PSRC1: variants seen among roughly 807,000 people sequenced by gnomAD.
The protein encoded by PSRC1 is proline and serine rich coiled-coil 1.
PSRC1 carries 30 observed loss-of-function variants against 31.9 expected under a neutral mutation model. The observed-to-expected ratio is 0.94, with a 90% CI of 0.70 to 1.28. The LOEUF (loss-of-function observed/expected upper bound fraction) is 1.28, where lower values mean the gene tolerates loss of function less well. PSRC1 is among the 50% of genes most tolerant of loss of function. PSRC1 has a pLI of 0.00. For synonymous variants in PSRC1, 191 were observed against 192.1 expected (o/e 0.99, Z 0.05); for missense variants, 481 against 472.8 (o/e 1.02, Z -0.16).
At chr1:109,279,739 G>A (rs1379034537) in exon 7 of PSRC1, 1 of 211,172 alleles carries the variant, frequency 4.7e-6, no homozygotes, top group Non-Finnish European at 9.7e-6. Context: ...TCAGGAAGAT[G>A]GCTCCTCAGA....
At chr1:109,280,986 C>T (rs765011270) in exon 5 of PSRC1, 39 of 1,603,914 alleles carry the variant, frequency 2.4e-5, no homozygotes, top group Non-Finnish European at 2.4e-5. Flanking sequence ...CCGGGGCAGG[C>T]GTTGAGAGTT....
chr1:109,280,123 A>G (rs536842587), exon 7 of PSRC1: 2 of 1,614,116 alleles, frequency 1.2e-6, no homozygotes, highest in South Asian at 1.1e-5. Context: ...GTGGTTTGCT[A>G]CTGAAGTCTT....
intron 4 of PSRC1, 31 bp downstream of exon 4, chr1:109,281,588 G>A (rs764185540): frequency 2.8e-5 from 44 of 1,564,984 alleles, no homozygotes; most frequent in Non-Finnish European, 3.8e-5. Context: ...CATGTCTGGG[G>A]CACACCTCCA....
At chr1:109,281,826 C>A (rs780432029) in exon 4 of PSRC1, 121 of 1,613,832 alleles carry the variant, frequency 7.5e-5, no homozygotes, top group Non-Finnish European at 1.0e-4. Context: ...CTCGGCGAGG[C>A]CCCAGGCCCT....
At chr1:109,282,768 C>A (rs1657396524) in intron 1 of PSRC1, 32 bp from the exon 2 acceptor site, 1 of 1,547,084 alleles carries the variant, frequency 6.5e-7, no homozygotes, top group African/African-American at 1.4e-5. Flanking sequence ...CCTCAGGTAT[C>A]CATTCTGCCC....
chr1:109,280,491 T>A lies in PSRC1; in HGVS notation c.995-2A>T. 1.9e-6 allele frequency: 3 copies of A among 1,608,672 alleles called. No homozygotes were observed. Among genetic ancestry groups the A allele is most frequent in the Non-Finnish European group, 2.5e-6 (3 of 1,177,630 alleles). On this transcript the variant is annotated splice_acceptor_variant, in intron 5 of 6. Coordinates refer to ENST00000409138, the Ensembl canonical transcript of PSRC1. LOFTEE classifies it high-confidence loss of function. ...GATTTAGTCGCTGGGAAACAGGAAC[T>A]TCATGGGGGTTAACAAAAGAAATGA...
intron 4 of PSRC1, 67 bp from the exon 5 acceptor site, chr1:109,281,318 A>ATTCC: frequency 7.4e-7 from 1 of 1,347,814 alleles, no homozygotes; most frequent in African/African-American, 1.5e-5. Context: ...GGCTTAAGGA[A>ATTCC]TTAAGAAATA....
chr1:109,281,492 C>T (rs756399977), intron 4 of PSRC1, 127 bp downstream of exon 4: 1 of 937,494 alleles, frequency 1.1e-6, no homozygotes, highest in Non-Finnish European at 1.6e-6. Context: ...TTTCATGGTT[C>T]TCATTTAATT....
rs1656780370 is a variant in PSRC1 at position 109,280,021 on chromosome 1, A to G, written c.*132T>C. 18 of 1,183,442 alleles carry G rather than the reference A, an allele frequency of 1.5e-5. No individual in the cohort carries two copies. The South Asian group carries it at 1.7e-4, about 11-fold the overall frequency. 73.3% of individuals were successfully genotyped at this position (1,183,442 alleles called of 1,614,324 possible). A position where few individuals can be genotyped will look rare whatever the true frequency, so the allele number is the denominator to read the frequency against. ...CCATGGTCTCTACTCCTGGGAGACC[A>G]GCCCTGGTGGCATCTCTTCCTCCTG... On this transcript the variant is annotated 3_prime_UTR_variant, in exon 7 of 7. Coordinates refer to ENST00000409138, the Ensembl canonical transcript of PSRC1.
chr1:109,282,442 CAAT>C, intron 3 of PSRC1, 73 bp downstream of exon 3: 1 of 1,431,192 alleles, frequency 7.0e-7, no homozygotes, highest in Admixed American at 1.8e-5. Flanking sequence ...CAACCCAAGC[CAAT>C]AATTCAGCAG....
intron 3 of PSRC1, 181 bp downstream of exon 3, chr1:109,282,337 C>T: frequency 1.6e-6 from 1 of 629,000 alleles, no homozygotes; most frequent in Admixed American, 2.9e-5. Context: ...CTAACTCCAG[C>T]TTCTCCCTTC....
Position 109,283,061 on chromosome 1 carries a change from A to C in PSRC1, c.-34+13T>G, listed in dbSNP as rs1570827568. ...TCCCCTGGCATCACACGCGAAGCAC[A>C]CCTCCAGCCCACCCTGTGTCCACTT... On this transcript the variant is annotated intron_variant, in intron 1 of 6. Coordinates refer to ENST00000409138, the Ensembl canonical transcript of PSRC1. The C allele has an allele frequency of 2.7e-6, 1 of 372,766 alleles. No individual in the cohort carries two copies. Among genetic ancestry groups the C allele is most frequent in the African/African-American group, 2.1e-5 (1 of 48,202 alleles). 23.1% of individuals were successfully genotyped at this position (372,766 alleles called of 1,614,324 possible).
exon 4 of PSRC1, chr1:109,281,810 G>A: frequency 6.2e-7 from 1 of 1,614,044 alleles, no homozygotes; most frequent in Non-Finnish European, 8.5e-7. Context: ...CGAGGACTGG[G>A]CTTCACTCGG....
exon 5 of PSRC1, chr1:109,281,080 A>G: frequency 6.2e-7 from 1 of 1,613,290 alleles, no homozygotes; most frequent in Non-Finnish European, 8.5e-7. Flanking sequence ...TTCAGGGTCA[A>G]TCCCACAAAC....
At chr1:109,280,429 G>A in exon 6 of PSRC1, 1 of 1,613,338 alleles carries the variant, frequency 6.2e-7, no homozygotes, top group Non-Finnish European at 8.5e-7. Flanking sequence ...TTTCCTGGGG[G>A]GCTGCAGATT....
At chr1:109,280,017 G>C in exon 7 of PSRC1, 1 of 1,134,906 alleles carries the variant, frequency 8.8e-7, no homozygotes, top group Non-Finnish European at 1.3e-6. Flanking sequence ...ACTCCTGGGA[G>C]ACCAGCCCTG....
rs574180721 is a variant in PSRC1, at chr1:109,280,175, T to A, written c.1089-19A>T. On this transcript the variant is annotated intron_variant, in intron 6 of 6. Coordinates refer to ENST00000409138, the Ensembl canonical transcript of PSRC1. The stretch of plus-strand genomic sequence containing the variant: ...TCTTTACCTAAAGAAATAGAAGGAA[T>A]AACTGCTTTAAAATGCCCTTCTTCC... The A allele has an allele frequency of 1.9e-6, 3 of 1,613,314 alleles. No homozygotes were observed. The Admixed American group carries it at 5.0e-5, about 27-fold the overall frequency.
Position 109,283,072 on chromosome 1 carries a change from A to C in PSRC1, c.-34+2T>G, listed in dbSNP as rs1570827616. On this transcript the variant is annotated splice_donor_variant, in intron 1 of 6. Transcript: ENST00000409138. LOFTEE classifies it low-confidence loss of function (5UTR_SPLICE). The stretch of plus-strand genomic sequence containing the variant: ...CACACGCGAAGCACACCTCCAGCCC[A>C]CCCTGTGTCCACTTCCCGCGCCGCC... 5.9e-6 allele frequency: 2 copies of C among 338,814 alleles called. No homozygotes were observed. The highest frequency in any genetic ancestry group is 1.1e-5 in the Non-Finnish European group (2 of 183,194). The allele number at this position is 338,814 out of a possible 1,614,324, so 21.0% of individuals were successfully genotyped here.
At chr1:109,282,483 T>C (rs754129664) in intron 3 of PSRC1, 35 bp downstream of exon 3, 14 of 1,593,028 alleles carry the variant, frequency 8.8e-6, no homozygotes, top group South Asian at 7.8e-5. Context: ...AGAGGTACTG[T>C]TAGAGGAAAA....
Sources: allele counts gnomAD v4.1 joint callset, GRCh38; gene constraint gnomAD v4.1.1; transcripts MANE v1.5; gene names NCBI Gene and HGNC (gene_info 2026-07-23, HGNC 2026-07-21).